The following NKPD1 variants were observed in gnomAD, a reference collection of about 807,000 sequenced individuals.
NKPD1 encodes NTPase KAP family P-loop domain containing 1.
In NKPD1, 37 loss-of-function variants were observed where a neutral mutation model predicts 42.2. The observed-to-expected ratio is 0.88, with a 90% CI of 0.67 to 1.15. The LOEUF (loss-of-function observed/expected upper bound fraction) is 1.15. Among genes scored for constraint, NKPD1 ranks in the 50% most tolerant of loss-of-function variants. NKPD1 has a pLI of 0.00. For synonymous variants in NKPD1, 552 were observed against 536.5 expected (o/e 1.03, Z -0.40); for missense variants, 1,113 against 1,174.6 (o/e 0.95, Z 0.77).
chr19:45,153,359 A>G lies in NKPD1; in HGVS notation c.1078T>C (p.Leu360=), dbSNP rs1344853415. ...CCCAGCGCGTGGCCGCCCAGTGACA[A>G]GTAGAGCAGCCCCACACCCAGGCCC... The part of the protein sequence containing the change: ...ALGLGVGLLY[L]SLGGHALGHG... The change falls in exon 5 of 5, where the codon TTG becomes CTG. Residue 360 remains leucine (L), a synonymous_variant. Coordinates refer to ENST00000686631, the MANE Select transcript of NKPD1 (RefSeq NM_198478.4). 6.4e-7 allele frequency: 1 copy of G among 1,569,128 alleles called. No homozygotes were observed. The highest frequency in any genetic ancestry group is 2.3e-5 in the East Asian group (1 of 42,828).
intron 4 of NKPD1, 118 bp downstream of exon 4, chr19:45,155,667 C>T (rs1266299951): frequency 9.6e-7 from 1 of 1,045,430 alleles, no homozygotes; most frequent in African/African-American, 1.7e-5. Context: ...TTGGGGAGGG[C>T]CTGGGCTGGG....
Position 45,160,523 on chromosome 19 carries a change from C to T in NKPD1, c.-71-302G>A, listed in dbSNP as rs1968985689. Among the ~76,000 whole-genome samples, 3 of 151,836 alleles carry T rather than the reference C, an allele frequency of 2.0e-5. 1 individual carries two copies. Among genetic ancestry groups the T allele is most frequent in the South Asian group, 4.2e-4 (2 of 4,810 alleles). ...ACATGGGCTGGGGAAATAGGGGGTC[C>T]GGTGTGGTGGCTGAGTGACCAAGGG... On this transcript the variant is annotated intron_variant, in intron 1 of 4. Coordinates refer to ENST00000686631, the MANE Select transcript of NKPD1 (RefSeq NM_198478.4).
At chr19:45,153,798 C>T (rs1165698848) in intron 4 of NKPD1, 23 bp from the exon 5 acceptor site, 2 of 1,423,262 alleles carry the variant, frequency 1.4e-6, no homozygotes, top group Admixed American at 2.7e-5. Context: ...AGCCCGGGAG[C>T]CGCGTGAGCC....
chr19:45,156,382 C>T (rs910784077), intron 3 of NKPD1, among the ~76,000 whole-genome samples: 1 of 152,170 alleles, frequency 6.6e-6, no homozygotes, highest in Admixed American at 6.5e-5. Context: ...GCCGCAGGCT[C>T]CTCCCACCGT....
chr19:45,155,040 AAAAG>A (rs1314179502), intron 4 of NKPD1, among the ~76,000 whole-genome samples: 1 of 150,914 alleles, frequency 6.6e-6, no homozygotes, highest in Non-Finnish European at 1.5e-5. Flanking sequence ...AAAAAAAAAA[AAAAG>A]GCCAGGTGCA....
chr19:45,160,962 G>GAGCAGCTGCCACACC lies in NKPD1; in HGVS notation c.-124_-110dup, dbSNP rs1453916956. On this transcript the variant is annotated 5_prime_UTR_variant, in exon 1 of 5. Transcript: ENST00000686631. ...TCACGGCCCCAGCTGCCTGCCCCAC[G>GAGCAGCTGCCACACC]AGCAGCTGCCACACCAGCCCGGACT... Among the ~76,000 whole-genome samples the GAGCAGCTGCCACACC allele has an allele frequency of 2.6e-5, 4 of 151,940 alleles. No individual in the cohort carries two copies. The highest frequency in any genetic ancestry group is 4.4e-5 in the Non-Finnish European group (3 of 67,974).
At chr19:45,161,719 C>G (rs1328112059), upstream of NKPD1, among the ~76,000 whole-genome samples, 1 of 152,234 alleles carries the variant, frequency 6.6e-6, no homozygotes, top group South Asian at 2.1e-4. Flanking sequence ...CAGATGCCCT[C>G]TGAGGGGTGA....
At chr19:45,160,003 T>C (rs1160813987) in intron 2 of NKPD1, 57 bp downstream of exon 2, 1 of 1,021,152 alleles carries the variant, frequency 9.8e-7, no homozygotes, top group Non-Finnish European at 1.3e-6. Flanking sequence ...CTCCATTCAC[T>C]CTGGCTTCCT....
Position 45,158,214 on chromosome 19 carries a change from G to C in NKPD1, c.529+449C>G, listed in dbSNP as rs1282631527. ...GAGGGAGGGAGAGAGCAAGCAAGTGGGTCTTCCCATTGCTGACCTTTGCTC... is the reference window on the plus strand; with the variant it reads ...GAGGGAGGGAGAGAGCAAGCAAGTGCGTCTTCCCATTGCTGACCTTTGCTC... On this transcript the variant is annotated intron_variant, in intron 3 of 4. Coordinates refer to ENST00000686631, the MANE Select transcript of NKPD1 (RefSeq NM_198478.4). This position sits in a 1 kb window ranked among gnomAD's most constrained non-coding sequence, Gnocchi z 4.6. Among the ~76,000 whole-genome samples the C allele has an allele frequency of 6.6e-6, 1 of 152,166 alleles. No individual in the cohort carries two copies. Among genetic ancestry groups the C allele is most frequent in the Non-Finnish European group, 1.5e-5 (1 of 68,030 alleles).
chr19:45,156,128 C>T (rs1568458067), intron 3 of NKPD1, among the ~76,000 whole-genome samples: 1 of 152,190 alleles, frequency 6.6e-6, no homozygotes, highest in Non-Finnish European at 1.5e-5. Flanking sequence ...CAGGCTGAGG[C>T]TGGGAGGCTG....
At position 45,160,046 on chromosome 19, in the gene NKPD1, A is replaced by G; in HGVS notation, c.91+14T>C. The G allele has an allele frequency of 1.5e-6, 2 of 1,296,298 alleles. No individual in the cohort carries two copies. The highest frequency in any genetic ancestry group is 2.0e-6 in the Non-Finnish European group (2 of 982,372). The allele number at this position is 1,296,298 out of a possible 1,614,324, so 80.3% of individuals were successfully genotyped here. On this transcript the variant is annotated intron_variant, in intron 2 of 4. Coordinates refer to ENST00000686631, the MANE Select transcript of NKPD1 (RefSeq NM_198478.4). The stretch of plus-strand genomic sequence containing the variant: ...CTCTGTCGGCCATCACCCGCCCCCA[A>G]ACTGAACCCGTACCTTTTCGGTGCC...
At position 45,152,507 on chromosome 19, in the gene NKPD1, C is replaced by A. The variant is rs199693866; in HGVS notation, c.1930G>T (p.Asp644Tyr). ...TGGCGCGGCGTGGGGCCCCCAAAGT[C>A]CCCCTGCTGCTGCTGCTGCTGCAGC... ...RLLQQQQQQG[D>Y]FGGPTPRQAV... is the part of the protein sequence containing the mutation. Residue 644 changes from aspartate to tyrosine, a missense_variant, in exon 5 of 5, where the codon GAC (aspartate) becomes TAC (tyrosine). Asp to Tyr is a radical substitution (Grantham distance 160, BLOSUM62 -3). This residue lies in a region of NKPD1 where 867 missense variants were observed against 870.1 expected (regional missense o/e 1.00). Transcript: ENST00000686631. 1 of 1,566,540 alleles carries A rather than the reference C, an allele frequency of 6.4e-7. No individual in the cohort carries two copies. The highest frequency in any genetic ancestry group is 1.1e-5 in the South Asian group (1 of 87,076).
At chr19:45,154,748 C>T (rs542180766) in intron 4 of NKPD1, among the ~76,000 whole-genome samples, 2 of 152,192 alleles carry the variant, frequency 1.3e-5, no homozygotes, top group East Asian at 3.9e-4. Context: ...GGAGGCCAGT[C>T]GCGGTGAGTC....
intron 2 of NKPD1, among the ~76,000 whole-genome samples, chr19:45,159,750 C>G (rs1229925796): frequency 6.6e-6 from 1 of 152,200 alleles, no homozygotes; most frequent in Non-Finnish European, 1.5e-5. Flanking sequence ...CCTCTCCTAC[C>G]CCTCACTCCC....
chr19:45,156,664 C>T (rs987519703), intron 3 of NKPD1, among the ~76,000 whole-genome samples: 1 of 152,222 alleles, frequency 6.6e-6, no homozygotes, highest in African/African-American at 2.4e-5. Context: ...ACTGGCACTA[C>T]GGCATCCACT....
In NKPD1 at chr19:45,153,353, G is replaced by T; in HGVS notation, c.1084C>A (p.Leu362Met). 1 of 1,569,454 alleles carries T rather than the reference G, an allele frequency of 6.4e-7. No homozygotes were observed. The highest frequency in any genetic ancestry group is 8.6e-7 in the Non-Finnish European group (1 of 1,160,000). The change falls in exon 5 of 5, where the codon CTG becomes ATG. Residue 362 changes from leucine (L) to methionine (M), a missense_variant. Around this residue, in one of 3 missense-constraint regions of NKPD1, gnomAD observed 867 missense variants for 870.1 expected, o/e 1.00. Coordinates refer to ENST00000686631, the MANE Select transcript of NKPD1 (RefSeq NM_198478.4). ...GLGVGLLYLS[L>M]GGHALGHGSP... ...CCGTGGCCCAGCGCGTGGCCGCCCA[G>T]TGACAAGTAGAGCAGCCCCACACCC...
At chr19:45,161,552 C>A (rs994921289), upstream of NKPD1, among the ~76,000 whole-genome samples, 53 of 152,246 alleles carry the variant, frequency 3.5e-4, no homozygotes, top group Non-Finnish European at 1.3e-4. Flanking sequence ...GCCCGCTTCA[C>A]AGATGAGGAC....
Position 45,152,809 on chromosome 19 carries a change from T to G in NKPD1, c.1628A>C (p.Asp543Ala), listed in dbSNP as rs1263640676. 6.2e-7 allele frequency: 1 copy of G among 1,601,536 alleles called. No individual in the cohort carries two copies. The highest frequency in any genetic ancestry group is 1.7e-5 in the Admixed American group (1 of 59,248). ...GRRTKLQFLH[D>A]AVQSRDDLLY... ...CAGGTCGTCGCGGCTCTGCACCGCA[T>G]CGTGCAGGAACTGCAGCTTGGTGCG... Residue 543 changes from aspartate to alanine, a missense_variant, in exon 5 of 5, where the codon GAT becomes GCT. Around this residue, in one of 3 missense-constraint regions of NKPD1, gnomAD observed 867 missense variants for 870.1 expected, o/e 1.00. Transcript: ENST00000686631.
chr19:45,159,297 C>T (rs961529782), intron 2 of NKPD1, among the ~76,000 whole-genome samples, 197 bp from the exon 3 acceptor site: 3 of 151,792 alleles, frequency 2.0e-5, no homozygotes, highest in African/African-American at 4.8e-5. Context: ...TGTCCCATGG[C>T]GGGGGAGCAG....
Sources: gnomAD v4.1 joint callset for allele counts (sites outside exome capture counted in the v4.1 genomes callset) on GRCh38, gnomAD v4.1.1 for gene constraint, gnomAD v4.1.1 regional missense constraint, Gnocchi (gnomAD v3.1) non-coding constraint, MANE v1.5 for transcripts, NCBI Gene and HGNC (gene_info 2026-07-23, HGNC 2026-07-21) for gene names.